PCDHA1: variants seen among roughly 807,000 people sequenced by gnomAD.
PCDHA1 encodes the protein protocadherin alpha 1.
PCDHA1 carries 42 observed loss-of-function variants against 61.3 expected under a neutral mutation model. That is an observed-to-expected ratio of 0.69 (90% CI 0.54 to 0.89). PCDHA1 has a LOEUF of 0.89. PCDHA1 is among the 40% of genes least tolerant of loss of function. The pLI, the probability that PCDHA1 is intolerant of heterozygous loss-of-function variation, is 0.00. For synonymous variants in PCDHA1, 610 were observed against 553.8 expected, an observed-to-expected ratio of 1.10 and a Z score of -1.43; for missense variants, 1,256 against 1,235.3, an observed-to-expected ratio of 1.02 and a Z score of -0.25.
rs1358633051 is a variant in PCDHA1, at chr5:140,859,520, T to TA, written c.2394+70844dup. On this transcript the variant is annotated intron_variant, in intron 1 of 3. Coordinates refer to ENST00000504120, the MANE Select transcript of PCDHA1 (RefSeq NM_018900.4). ...TACCTGATACCCATGATTTCATTTT[T>TA]AAAAAAAATTTATTAATTCTAGTGT... 5.7e-5 allele frequency: 11 copies of TA among 194,288 alleles called. 2 individuals are homozygous for TA. The highest frequency in any genetic ancestry group is 1.0e-4 in the Non-Finnish European group (10 of 97,338). The allele number at this position is 194,288 out of a possible 1,614,324, so 12.0% of individuals were successfully genotyped here. A position where few individuals can be genotyped will look rare whatever the true frequency, so the allele number is the denominator to read the frequency against.
chr5:140,887,242 G>A (rs1445154638), intron 1 of PCDHA1, among the ~76,000 whole-genome samples: 2 of 151,722 alleles, frequency 1.3e-5, no homozygotes, highest in African/African-American at 4.8e-5. Flanking sequence ...GACTACCGGC[G>A]CCCGCCACCA....
chr5:140,972,947 C>T (rs1287629621), intron 1 of PCDHA1, among the ~76,000 whole-genome samples: 1 of 152,096 alleles, frequency 6.6e-6, no homozygotes, highest in African/African-American at 2.4e-5. Context: ...CAGATGTGAG[C>T]CACCATGCCC....
chr5:140,963,771 GA>G (rs1459827253), intron 1 of PCDHA1, among the ~76,000 whole-genome samples: 2 of 152,164 alleles, frequency 1.3e-5, no homozygotes, highest in African/African-American at 4.8e-5. Context: ...ATTTCATGAC[GA>G]CAGCAACAAC....
chr5:140,851,068 AATT>A, intron 1 of PCDHA1: 1 of 1,354,280 alleles, frequency 7.4e-7, no homozygotes, highest in Non-Finnish European at 9.7e-7. Context: ...TTCTAGTGAG[AATT>A]ATAAACTGTA....
intron 1 of PCDHA1, chr5:140,795,538 T>A (rs1562153588): frequency 1.2e-6 from 2 of 1,614,128 alleles, no homozygotes; most frequent in East Asian, 2.2e-5. Context: ...AAGCGAATCT[T>A]TGTCTCTCGT....
chr5:140,908,494 C>A (rs559456993), intron 1 of PCDHA1, among the ~76,000 whole-genome samples: 1 of 152,310 alleles, frequency 6.6e-6, no homozygotes, highest in East Asian at 1.9e-4. Flanking sequence ...GTTCAGGTTG[C>A]TTGGTGACTT....
At chr5:140,805,490 G>T (rs1380481344) in intron 1 of PCDHA1, 19 of 992,542 alleles carry the variant, frequency 1.9e-5, no homozygotes, top group Non-Finnish European at 2.3e-5. Flanking sequence ...GGAGCGTAAA[G>T]CTATTTTCAC....
At chr5:140,966,447 C>G (rs373859357) in intron 1 of PCDHA1, 3 of 425,206 alleles carry the variant, frequency 7.1e-6, no homozygotes, top group Non-Finnish European at 8.2e-6. Flanking sequence ...CTCCCTTTCC[C>G]CCTCCCCCTC....
At chr5:140,813,148 A>C (rs2126644102) in intron 1 of PCDHA1, 1 of 152,248 alleles carries the variant, frequency 6.6e-6, no homozygotes, top group African/African-American at 2.4e-5. Flanking sequence ...TATGTCTGTT[A>C]GTTCCATTTC....
In PCDHA1 at chr5:140,824,289, C is replaced by T. The variant is rs2150133966; in HGVS notation, c.2394+35605C>T. On this transcript the variant is annotated intron_variant, in intron 1 of 3. Transcript: ENST00000504120. The stretch of plus-strand genomic sequence containing the variant: ...CATGTATTATATGCTTTTTATGAGG[C>T]TTTTCTGCTGGGGTAATAGATTCAT... 46 of 983,138 alleles carry T rather than the reference C, an allele frequency of 4.7e-5. 1 individual carries two copies. The African/African-American group carries it at 6.0e-4, about 13-fold the overall frequency. 60.9% of individuals were successfully genotyped at this position (983,138 alleles called of 1,614,324 possible).
Position 140,854,000 on chromosome 5 carries a change from C to T in PCDHA1, c.2394+65316C>T, listed in dbSNP as rs1437337577. 5 of 352,352 alleles carry T rather than the reference C, an allele frequency of 1.4e-5. No homozygotes were observed. The East Asian group carries it at 8.5e-4, about 60-fold the overall frequency. 21.8% of individuals were successfully genotyped at this position (352,352 alleles called of 1,614,324 possible). ...CCAATGTAGTGAGACTCATCTCTGC[C>T]AAAAAAAAAAAATTAGCCGGGCATG... On this transcript the variant is annotated intron_variant, in intron 1 of 3. Coordinates refer to ENST00000504120, the MANE Select transcript of PCDHA1 (RefSeq NM_018900.4).
rs916682478 is a variant in PCDHA1 at position 140,786,453 on chromosome 5, G to C, written c.163G>C (p.Glu55Gln). The C allele has an allele frequency of 1.2e-6, 2 of 1,613,526 alleles. No individual in the cohort carries two copies. The highest frequency in any genetic ancestry group is 3.3e-5 in the Admixed American group (2 of 60,030). Reference protein sequence around the residue: ...VGRVAQDLGLELAELVPRLFR... With the variant: ...VGRVAQDLGLQLAELVPRLFR... ...CCGCGTTGCTCAGGACCTGGGACTG[G>C]AGCTGGCGGAGCTGGTGCCTCGCCT... Residue 55 changes from glutamate to glutamine, a missense_variant, in exon 1 of 4, where the codon GAG (glutamate) becomes CAG (glutamine). By Grantham distance (29) the Glu-to-Gln change is conservative. Transcript: ENST00000504120.
In PCDHA1 at chr5:140,841,811, G is replaced by A. The variant is rs2150323241; in HGVS notation, c.2394+53127G>A. The A allele has an allele frequency of 3.1e-6, 5 of 1,613,790 alleles. No individual in the cohort carries two copies. In the African/African-American group the frequency reaches 6.7e-5, roughly 22 times the overall value. On this transcript the variant is annotated intron_variant, in intron 1 of 3. Coordinates refer to ENST00000504120, the MANE Select transcript of PCDHA1 (RefSeq NM_018900.4). The stretch of plus-strand genomic sequence containing the variant: ...GGGCGCGTCCGATGCAGATGTTGGA[G>A]CTAACTCCGTGTTAACCTACAGGCT...
At chr5:140,875,478 G>A (rs2055526738) in intron 1 of PCDHA1, 1 of 1,610,404 alleles carries the variant, frequency 6.2e-7, no homozygotes, top group Admixed American at 1.7e-5. Flanking sequence ...CTGCAATGGT[G>A]ATTATCGGAC....
At chr5:140,877,497 C>G in intron 1 of PCDHA1, 1 of 1,613,848 alleles carries the variant, frequency 6.2e-7, no homozygotes, top group South Asian at 1.1e-5. Context: ...ACGGCCAGGC[C>G]CCAAAGACGT....
intron 1 of PCDHA1, among the ~76,000 whole-genome samples, chr5:140,961,681 G>A (rs911141843): frequency 3.9e-5 from 6 of 152,152 alleles, no homozygotes; most frequent in African/African-American, 9.7e-5. Context: ...TAATTAAGCC[G>A]GAGTAGTCCT....
intron 1 of PCDHA1, among the ~76,000 whole-genome samples, chr5:140,906,736 AT>A (rs1330405649): frequency 6.6e-6 from 1 of 152,132 alleles, no homozygotes; most frequent in Non-Finnish European, 1.5e-5. Flanking sequence ...GTAGTTTCCC[AT>A]TGACACAGGG....
intron 1 of PCDHA1, among the ~76,000 whole-genome samples, chr5:140,900,463 C>T (rs1319110335): frequency 6.6e-6 from 1 of 152,130 alleles, no homozygotes; most frequent in African/African-American, 2.4e-5. Flanking sequence ...TTTTAGTAGA[C>T]ACGGAGTTTC....
intron 1 of PCDHA1, among the ~76,000 whole-genome samples, chr5:140,798,612 G>A (rs1431451446): frequency 6.6e-6 from 1 of 152,124 alleles, no homozygotes; most frequent in Non-Finnish European, 1.5e-5. Flanking sequence ...TTCTATGCGT[G>A]GGAATACATT....
Sources: gnomAD v4.1 joint callset for allele counts (sites outside exome capture counted in the v4.1 genomes callset) on GRCh38, gnomAD v4.1.1 for gene constraint, MANE v1.5 for transcripts, NCBI Gene and HGNC (gene_info 2026-07-23, HGNC 2026-07-21) for gene names.